The following ZNF44 variants were observed in gnomAD, a reference collection of about 807,000 sequenced individuals.
ZNF44 encodes gonadotropin inducible transcription repressor-2.
In ZNF44, 9 loss-of-function variants were observed where a neutral mutation model predicts 11.7. The ratio of observed to expected loss-of-function variants is 0.77; its 90% CI spans 0.46 to 1.35. The LOEUF is 1.35. Ranked by LOEUF, ZNF44 falls within the 40% of genes most tolerant of loss-of-function variation. The pLI, the probability that ZNF44 is intolerant of heterozygous loss-of-function variation, is 0.00. For synonymous variants in ZNF44, 224 were observed against 242.7 expected (o/e 0.92, Z 0.72); for missense variants, 696 against 743.1 (o/e 0.94, Z 0.74).
rs563453096 is a variant in ZNF44 at position 12,233,165 on chromosome 19, T to C, written n.380+1502A>G. On this transcript the variant is annotated intron_variant and non_coding_transcript_variant, in intron 2 of 3. Coordinates refer to the ZNF44 transcript ENST00000597563. ...ATAACCCTCACTCTGGCTGGGAAGA[T>C]GCCAGCCCTGAGAAACCCCCCTCCG... Among the ~76,000 whole-genome samples, 222 of 152,188 alleles carry C rather than the reference T, an allele frequency of 1.5e-3. 2 individuals carry two copies. The highest frequency in any genetic ancestry group is 0.013 in the Admixed American group (204 of 15,292).
chr19:12,253,177 C>G (rs1341207047), intron 5 of ZNF44, among the ~76,000 whole-genome samples: 2 of 147,936 alleles, frequency 1.4e-5, no homozygotes, highest in Non-Finnish European at 3.0e-5. Flanking sequence ...GCGTAAGCCA[C>G]TGCACCTGGC....
At chr19:12,225,435 CTTGT>C (rs966120052), downstream of ZNF44, among the ~76,000 whole-genome samples, 1 of 152,056 alleles carries the variant, frequency 6.6e-6, no homozygotes, top group Non-Finnish European at 1.5e-5. Flanking sequence ...AGCTTTTTAG[CTTGT>C]TTTTTTTAAT....
At chr19:12,264,192 C>T (rs1393840497) in intron 5 of ZNF44, among the ~76,000 whole-genome samples, 1 of 152,194 alleles carries the variant, frequency 6.6e-6, no homozygotes, top group South Asian at 2.1e-4. Context: ...CCACCACGTA[C>T]ATGTGGATCC....
chr19:12,234,055 C>T (rs1568419904), intron 2 of ZNF44, among the ~76,000 whole-genome samples: 2 of 143,078 alleles, frequency 1.4e-5, no homozygotes, highest in Non-Finnish European at 1.5e-5. Flanking sequence ...GAGTGAGACT[C>T]TGTCTTAAAA....
chr19:12,229,455 A>G (rs1329755638), intron 3 of ZNF44, among the ~76,000 whole-genome samples: 1 of 152,172 alleles, frequency 6.6e-6, no homozygotes, highest in Non-Finnish European at 1.5e-5. Context: ...AGGATTTTAT[A>G]CATGCACCAA....
upstream of ZNF44, among the ~76,000 whole-genome samples, chr19:12,240,166 G>A (rs1339513057): frequency 3.3e-5 from 5 of 151,894 alleles, no homozygotes; most frequent in East Asian, 1.9e-4. Flanking sequence ...TTTTTAGGCC[G>A]GGCACAATGG....
intron 1 of ZNF44, among the ~76,000 whole-genome samples, chr19:12,235,515 G>A (rs2459013): frequency 0.061 from 9,290 of 152,156 alleles, 963 homozygotes; most frequent in African/African-American, 0.21. Flanking sequence ...TTACAAAGGT[G>A]GAAAACTATA....
rs180741599 is a variant in ZNF44, at chr19:12,280,238, T to C, written c.4-4156A>G. 3.0e-3 allele frequency among the ~76,000 whole-genome samples: 457 copies of C among 151,956 alleles called. 4 individuals are homozygous for C. Among genetic ancestry groups the C allele is most frequent in the Middle Eastern group, 0.01 (3 of 292 alleles). On this transcript the variant is annotated intron_variant, in intron 1 of 3. Coordinates refer to ENST00000355684, the MANE Select transcript of ZNF44 (RefSeq NM_016264.4). ...TGTCTCAAAAGAAAAAATAATAATATCAACAATGTATTCAGTAGTTTATAG... is the reference window on the plus strand; with the variant it reads ...TGTCTCAAAAGAAAAAATAATAATACCAACAATGTATTCAGTAGTTTATAG...
chr19:12,242,509 C>CAA (rs779926213), upstream of ZNF44, among the ~76,000 whole-genome samples: 6,454 of 101,162 alleles, frequency 0.064, 578 homozygotes, highest in African/African-American at 0.22. Flanking sequence ...GACTCCGGCT[C>CAA]AAAAAAAAAA....
At chr19:12,256,153 G>A (rs1417752925) in intron 5 of ZNF44, among the ~76,000 whole-genome samples, 3 of 151,490 alleles carry the variant, frequency 2.0e-5, no homozygotes, top group Admixed American at 2.0e-4. Flanking sequence ...ACCCATTCAA[G>A]GTGGGCCAAC....
In ZNF44 at chr19:12,273,061, A is replaced by C; in HGVS notation, c.1194T>G (p.Cys398Trp). The C allele has an allele frequency of 6.2e-7, 1 of 1,613,906 alleles. No homozygotes were observed. Among genetic ancestry groups the C allele is most frequent in the East Asian group, 2.2e-5 (1 of 44,862 alleles). The change falls in exon 4 of 4, where the codon TGT becomes TGG. Residue 398 changes from cysteine (C) to tryptophan (W), a missense_variant. Transcript: ENST00000355684. Reference protein sequence around the residue: ...TGDGPHKCTVCGKAFDSPSVF... With the variant: ...TGDGPHKCTVWGKAFDSPSVF... ...CACTAGGAGAATCAAAGGCTTTCCC[A>C]CATACTGTGCATTTATGAGGGCCAT...
intron 5 of ZNF44, among the ~76,000 whole-genome samples, chr19:12,260,690 C>T (rs1917473760): frequency 6.6e-6 from 1 of 152,158 alleles, no homozygotes; most frequent in Non-Finnish European, 1.5e-5. Flanking sequence ...TTAAGGAAGG[C>T]CCTACTCCCA....
chr19:12,226,182 A>T (rs2145669826), exon 4 of ZNF44: 1 of 152,330 alleles, frequency 6.6e-6, no homozygotes, highest in East Asian at 1.9e-4. Flanking sequence ...TTTGTTACTT[A>T]GGTCCTTTAA....
downstream of ZNF44, among the ~76,000 whole-genome samples, chr19:12,268,933 ATG>A (rs1037196800): frequency 1.6e-4 from 24 of 152,128 alleles, no homozygotes; most frequent in African/African-American, 5.8e-4. Context: ...CTGTAGACAC[ATG>A]GTCTCCCTAT....
intron 1 of ZNF44, among the ~76,000 whole-genome samples, chr19:12,292,721 C>T (rs766965114): frequency 4.6e-5 from 7 of 151,998 alleles, no homozygotes; most frequent in Non-Finnish European, 8.8e-5. Flanking sequence ...GCTTCACAGT[C>T]GGAGAGAGTC....
intron 1 of ZNF44, among the ~76,000 whole-genome samples, chr19:12,287,450 G>A (rs568068825): frequency 3.9e-5 from 6 of 152,144 alleles, no homozygotes; most frequent in East Asian, 3.9e-4. Context: ...TCCTGACCTC[G>A]TGATCCACCT....
chr19:12,225,671 A>G (rs952273426), downstream of ZNF44, among the ~76,000 whole-genome samples: 1 of 152,226 alleles, frequency 6.6e-6, no homozygotes, highest in African/African-American at 2.4e-5. Context: ...TGCAAATAGT[A>G]GAGTGAGTAA....
Position 12,252,878 on chromosome 19 carries a change from C to CTTTT in ZNF44, c.1913-2514_1913-2511dup, listed in dbSNP as rs753388314. ...CTAATTATATGTTGCCTACAAGAAA[C>CTTTT]TTTTTTTTTTTTTTTTTTTTTTTTT... On this transcript the variant is annotated intron_variant and NMD_transcript_variant, in intron 5 of 7. Coordinates refer to the ZNF44 transcript ENST00000393337. 2.8e-3 allele frequency among the ~76,000 whole-genome samples: 220 copies of CTTTT among 78,666 alleles called. 1 individual carries two copies. The highest frequency in any genetic ancestry group is 3.2e-3 in the Non-Finnish European group (141 of 43,862). The allele number at this position is 78,666 out of a possible 152,430, so 51.6% of individuals were successfully genotyped here.
At chr19:12,256,764 A>G (rs1027031132) in intron 5 of ZNF44, among the ~76,000 whole-genome samples, 2 of 143,834 alleles carry the variant, frequency 1.4e-5, no homozygotes, top group Non-Finnish European at 3.0e-5. Context: ...GCAGTGGTAC[A>G]ATCTTGGCTC....
Sources: allele counts gnomAD v4.1 joint callset (sites outside exome capture counted in the v4.1 genomes callset), GRCh38; gene constraint gnomAD v4.1.1; transcripts MANE v1.5; gene names NCBI Gene and HGNC (gene_info 2026-07-23, HGNC 2026-07-21).